WDR70: variants seen among roughly 807,000 people sequenced by gnomAD.
WDR70 encodes WD repeat domain 70.
A neutral mutation model predicts 88.6 loss-of-function variants in WDR70; 53 were observed. The ratio of observed to expected loss-of-function variants is 0.60; its 90% CI spans 0.48 to 0.75. The LOEUF is 0.75. Ranked by LOEUF, WDR70 falls within the 30% of genes least tolerant of loss-of-function variation. The pLI is 0.00. For missense variants in WDR70, 610 were observed against 823.2 expected (o/e 0.74, Z 3.17); for synonymous variants, 280 against 270.0 (o/e 1.04, Z -0.36).
chr5:37,461,104 T>TC (rs1738986289), intron 7 of WDR70, among the ~76,000 whole-genome samples: 2 of 48,164 alleles, frequency 4.2e-5, no homozygotes, highest in African/African-American at 6.2e-5. Flanking sequence ...ATTTCTAACC[T>TC]CAAAAAAAAA....
chr5:37,394,025 G>T (rs903495218), intron 4 of WDR70, among the ~76,000 whole-genome samples: 1 of 152,084 alleles, frequency 6.6e-6, no homozygotes, highest in Admixed American at 6.6e-5. Flanking sequence ...GATACTTGAG[G>T]GCTGCGGGAG....
intron 17 of WDR70, among the ~76,000 whole-genome samples, chr5:37,740,476 CTT>C (rs1290115410): frequency 6.6e-6 from 1 of 152,118 alleles, no homozygotes; most frequent in Non-Finnish European, 1.5e-5. Context: ...GTTGAATACT[CTT>C]TTTTTGAAGA....
intron 9 of WDR70, among the ~76,000 whole-genome samples, chr5:37,524,158 A>G (rs1741184304): frequency 6.6e-6 from 1 of 152,192 alleles, no homozygotes; most frequent in Admixed American, 6.5e-5. Context: ...CGAGAAGAGC[A>G]ACTCCAAGAC....
At position 37,415,500 on chromosome 5, in the gene WDR70, TG is replaced by T. The variant is rs1216460546; in HGVS notation, c.492+18938del. 4.5e-5 allele frequency among the ~76,000 whole-genome samples: 2 copies of T among 44,106 alleles called. 1 individual carries two copies. Among genetic ancestry groups the T allele is most frequent in the Non-Finnish European group, 8.1e-5 (2 of 24,698 alleles). 28.9% of individuals were successfully genotyped at this position (44,106 alleles called of 152,430 possible). A position where few individuals can be genotyped will look rare whatever the true frequency, so the allele number is the denominator to read the frequency against. On this transcript the variant is annotated intron_variant, in intron 5 of 17. Transcript: ENST00000265107. ...CCCTCCCGGAAGGGGCGGCTGGGGG[TG>T]GGGGGGGCCTGACCCCCCCACCTCA...
intron 9 of WDR70, among the ~76,000 whole-genome samples, chr5:37,597,960 A>C (rs1743751841): frequency 6.6e-6 from 1 of 152,230 alleles, no homozygotes; most frequent in South Asian, 2.1e-4. Flanking sequence ...TTACAACTAC[A>C]TCTATGAACT....
At chr5:37,446,171 A>G (rs1404404728) in intron 7 of WDR70, among the ~76,000 whole-genome samples, 4 of 152,234 alleles carry the variant, frequency 2.6e-5, no homozygotes, top group Non-Finnish European at 4.4e-5. Context: ...CCAAATCACG[A>G]GTGAACTCCC....
At chr5:37,441,399 G>A (rs983921322) in intron 6 of WDR70, among the ~76,000 whole-genome samples, 6 of 151,956 alleles carry the variant, frequency 3.9e-5, no homozygotes, top group African/African-American at 7.3e-5. Flanking sequence ...TTATGAAATC[G>A]GTATTTGCAA....
chr5:37,604,557 C>G (rs891549211), intron 9 of WDR70, among the ~76,000 whole-genome samples: 2 of 152,196 alleles, frequency 1.3e-5, no homozygotes, highest in African/African-American at 4.8e-5. Context: ...CAGAAACAGA[C>G]AGGTGTATTT....
chr5:37,399,777 A>G (rs994738281), intron 5 of WDR70, among the ~76,000 whole-genome samples: 6 of 152,120 alleles, frequency 3.9e-5, no homozygotes, highest in African/African-American at 1.4e-4. Context: ...ATAGGAAATT[A>G]CCCTTGAAAT....
At chr5:37,428,025 T>C (rs1750188637) in intron 5 of WDR70, among the ~76,000 whole-genome samples, 1 of 149,502 alleles carries the variant, frequency 6.7e-6, no homozygotes, top group Non-Finnish European at 1.5e-5. Context: ...TTTTTTTCCC[T>C]GCTGTCTGGA....
intron 8 of WDR70, among the ~76,000 whole-genome samples, chr5:37,492,709 A>G (rs74794294): frequency 0.1 from 15,746 of 152,188 alleles, 954 homozygotes; most frequent in South Asian, 0.2. Context: ...TCTAAGCAAA[A>G]TGTTGAAGGT....
At chr5:37,699,396 T>TACACAC (rs1181980288) in intron 11 of WDR70, among the ~76,000 whole-genome samples, 33 of 20,062 alleles carry the variant, frequency 1.6e-3, no homozygotes, top group Non-Finnish European at 6.2e-3. Flanking sequence ...TGTGTGTATA[T>TACACAC]ATATATACAC....
At chr5:37,664,268 A>C (rs2112581138) in intron 10 of WDR70, among the ~76,000 whole-genome samples, 1 of 152,302 alleles carries the variant, frequency 6.6e-6, no homozygotes, top group Non-Finnish European at 1.5e-5. Flanking sequence ...CCCTTCAAAA[A>C]ATCAACATTA....
At chr5:37,732,463 A>G (rs778444502) in intron 17 of WDR70, among the ~76,000 whole-genome samples, 1 of 152,160 alleles carries the variant, frequency 6.6e-6, no homozygotes, top group Non-Finnish European at 1.5e-5. Flanking sequence ...TTCATAAACA[A>G]TACTGGAATT....
intron 7 of WDR70, among the ~76,000 whole-genome samples, chr5:37,449,961 T>C (rs1232099147): frequency 6.6e-6 from 1 of 152,144 alleles, no homozygotes; most frequent in Non-Finnish European, 1.5e-5. Context: ...TGTGTTCTCA[T>C]TGTTCAGCTC....
At chr5:37,747,727 A>G (rs1748674690) in intron 17 of WDR70, among the ~76,000 whole-genome samples, 1 of 152,216 alleles carries the variant, frequency 6.6e-6, no homozygotes, top group Non-Finnish European at 1.5e-5. Flanking sequence ...ATGATTTTAT[A>G]TTTAGAAAAC....
rs184905032 is a variant in WDR70, at chr5:37,659,766, A to G, written c.1093-37889A>G. On this transcript the variant is annotated intron_variant, in intron 10 of 17. Coordinates refer to ENST00000265107, the MANE Select transcript of WDR70 (RefSeq NM_018034.4). ...AAGAGATGGAGTGGAGTAGGGAGGG[A>G]CAGGCTCTGTCTTCCTCTTCTTATA... Among the ~76,000 whole-genome samples, 8 of 152,200 alleles carry G rather than the reference A, an allele frequency of 5.3e-5. No homozygotes were observed. In the East Asian group the frequency reaches 1.5e-3, roughly 29 times the overall value.
At position 37,654,033 on chromosome 5, in the gene WDR70, G is replaced by A. The variant is rs1003651080; in HGVS notation, c.1093-43622G>A. Among the ~76,000 whole-genome samples, 49 of 152,030 alleles carry A rather than the reference G, an allele frequency of 3.2e-4. 1 individual carries two copies. The highest frequency in any genetic ancestry group is 6.6e-4 in the Non-Finnish European group (45 of 68,006). On this transcript the variant is annotated intron_variant, in intron 10 of 17. Coordinates refer to ENST00000265107, the MANE Select transcript of WDR70 (RefSeq NM_018034.4). ...CTTCTCTAGTTCTTTTAATTGTGAC[G>A]TTAGGGTGTCGATTTTAGATGTTTC...
intron 8 of WDR70, among the ~76,000 whole-genome samples, chr5:37,488,628 A>G (rs1375402934): frequency 1.3e-5 from 2 of 151,028 alleles, no homozygotes; most frequent in East Asian, 3.9e-4. Context: ...CGTTTATTGA[A>G]TTATTCTAAG....
Sources: gnomAD v4.1 joint callset for allele counts (sites outside exome capture counted in the v4.1 genomes callset) on GRCh38, gnomAD v4.1.1 for gene constraint, MANE v1.5 for transcripts, NCBI Gene and HGNC (gene_info 2026-07-23, HGNC 2026-07-21) for gene names.